Variants in PRDM13 observed in about 807,000 individuals in gnomAD.
PRDM13 encodes PR domain zinc finger protein 13.
PRDM13 carries 15 observed loss-of-function variants against 36.4 expected under a neutral mutation model. The ratio of observed to expected loss-of-function variants is 0.41; its 90% CI spans 0.28 to 0.64. PRDM13 has a LOEUF of 0.64. Among genes scored for constraint, PRDM13 ranks in the 30% least tolerant of loss-of-function variants. PRDM13 has a pLI of 0.29. For synonymous variants in PRDM13, 531 were observed against 467.7 expected (o/e 1.14, Z -1.75); for missense variants, 1,044 against 1,013.5 (o/e 1.03, Z -0.41).
intron 2 of PRDM13, 51 bp from the exon 3 acceptor site, chr6:99,609,136 G>T: frequency 6.3e-7 from 1 of 1,599,240 alleles, no homozygotes; most frequent in South Asian, 1.1e-5. Context: ...GTTGCTTTTT[G>T]ACCGATTACC....
In PRDM13 at chr6:99,613,945, C is replaced by T. The variant is rs200429669; in HGVS notation, c.1310C>T (p.Pro437Leu). 2.0e-4 allele frequency: 317 copies of T among 1,589,504 alleles called. No individual in the cohort carries two copies. The East Asian group carries it at 6.9e-3, about 35-fold the overall frequency. ...PGLPLERCAL[P>L]PLDPGGLKAY... Reference sequence around the variant, plus strand: ...TTGCCCCTCGAGCGCTGCGCGCTGCCGCCCCTCGACCCGGGCGGTCTCAAA... The same window carrying T: ...TTGCCCCTCGAGCGCTGCGCGCTGCTGCCCCTCGACCCGGGCGGTCTCAAA... Residue 437 changes from proline to leucine, a missense_variant, in exon 4 of 4, where the codon CCG (proline) becomes CTG (leucine). Physicochemically the swap from Pro to Leu is moderately conservative, Grantham distance 98 (BLOSUM62 -3). Around this residue, in one of 3 missense-constraint regions of PRDM13, gnomAD observed 921 missense variants for 865.2 expected, o/e 1.06. Transcript: ENST00000369215. This position sits in a 1 kb window ranked among gnomAD's most constrained non-coding sequence, Gnocchi z 6.1.
Position 99,613,950 on chromosome 6 carries a change from C to A in PRDM13, c.1315C>A (p.Leu439Ile). The A allele has an allele frequency of 6.3e-7, 1 of 1,591,480 alleles. No homozygotes were observed. Among genetic ancestry groups the A allele is most frequent in the Non-Finnish European group, 8.5e-7 (1 of 1,172,538 alleles). ...LPLERCALPP[L>I]DPGGLKAYPG... is the part of the protein sequence containing the mutation. ...CCTCGAGCGCTGCGCGCTGCCGCCC[C>A]TCGACCCGGGCGGTCTCAAAGCCTA... The change falls in exon 4 of 4, where the codon CTC becomes ATC. Residue 439 changes from leucine (L) to isoleucine (I), a missense_variant. Leu to Ile is a conservative substitution (Grantham distance 5). Coordinates refer to ENST00000369215, the MANE Select transcript of PRDM13 (RefSeq NM_021620.4). The surrounding 1 kb of genome is among the most constrained non-coding windows in gnomAD (Gnocchi z 6.1).
At chr6:99,609,048 G>C (rs923862058) in intron 2 of PRDM13, 139 bp from the exon 3 acceptor site, 1 of 1,385,028 alleles carries the variant, frequency 7.2e-7, no homozygotes. Context: ...AAGGATGACG[G>C]AAGTGAGGTT....
In PRDM13 at chr6:99,615,084, C is replaced by A. The variant is rs1299090894; in HGVS notation, c.*325C>A. On this transcript the variant is annotated 3_prime_UTR_variant, in exon 4 of 4. Transcript: ENST00000369215. ...CTTGGTGTTCAGAATCACATCAATG[C>A]GAACGTCACAGCGCCTTCGAGGGCG... 2 of 370,312 alleles carry A rather than the reference C, an allele frequency of 5.4e-6. No individual in the cohort carries two copies. The highest frequency in any genetic ancestry group is 9.7e-6 in the Non-Finnish European group (2 of 206,092). 22.9% of individuals were successfully genotyped at this position (370,312 alleles called of 1,614,324 possible).
chr6:99,607,460 C>T (rs577156071), intron 1 of PRDM13, among the ~76,000 whole-genome samples: 10 of 152,118 alleles, frequency 6.6e-5, no homozygotes, highest in Non-Finnish European at 1.5e-4. Flanking sequence ...TGTGTTTTCC[C>T]CTGCGCTCTC....
At position 99,613,912 on chromosome 6, in the gene PRDM13, C is replaced by T. The variant is rs1434845652; in HGVS notation, c.1277C>T (p.Ala426Val). Residue 426 changes from alanine (A) to valine (V), a missense_variant, in exon 4 of 4, where the codon GCG becomes GTG. Coordinates refer to ENST00000369215, the MANE Select transcript of PRDM13 (RefSeq NM_021620.4). This position sits in a 1 kb window ranked among gnomAD's most constrained non-coding sequence, Gnocchi z 6.1. ...GCGCGTTATGCGCAGCTGCCCCCTG[C>T]GCCGGGGTTGCCCCTCGAGCGCTGC... ...PGARYAQLPP[A>V]PGLPLERCAL... is the part of the protein sequence containing the mutation. 6.3e-7 allele frequency: 1 copy of T among 1,584,472 alleles called. No individual in the cohort carries two copies. The highest frequency in any genetic ancestry group is 8.5e-7 in the Non-Finnish European group (1 of 1,170,626).
chr6:99,612,427 G>T (rs1199387612), intron 3 of PRDM13, among the ~76,000 whole-genome samples: 1 of 152,184 alleles, frequency 6.6e-6, no homozygotes, highest in Non-Finnish European at 1.5e-5. Context: ...TCCTTCAGTT[G>T]GTCACGCTCC....
Position 99,614,870 on chromosome 6 carries a change from T to C in PRDM13, c.*111T>C. The C allele has an allele frequency of 7.2e-7, 1 of 1,396,454 alleles. No homozygotes were observed. Among genetic ancestry groups the C allele is most frequent in the Non-Finnish European group, 9.5e-7 (1 of 1,050,584 alleles). The allele number at this position is 1,396,454 out of a possible 1,614,324, so 86.5% of individuals were successfully genotyped here. A position where few individuals can be genotyped will look rare whatever the true frequency, so the allele number is the denominator to read the frequency against. On this transcript the variant is annotated 3_prime_UTR_variant, in exon 4 of 4. Coordinates refer to ENST00000369215, the MANE Select transcript of PRDM13 (RefSeq NM_021620.4). Reference sequence around the variant, plus strand: ...GAGGGACCCAATGGACAAAACCGTTTTTGTTTTTGAGAGGGCGCCAGATTT... The same window carrying C: ...GAGGGACCCAATGGACAAAACCGTTCTTGTTTTTGAGAGGGCGCCAGATTT...
In PRDM13 at chr6:99,615,553, A is replaced by G. The variant is rs1449442431; in HGVS notation, c.*794A>G. On this transcript the variant is annotated 3_prime_UTR_variant, in exon 4 of 4. Transcript: ENST00000369215. The stretch of plus-strand genomic sequence containing the variant: ...TGCAATCTTTAAGAAAAATAAAGAT[A>G]CAAACGAGAGTTTTGTTCACTTAGT... 6.6e-6 allele frequency: 1 copy of G among 152,614 alleles called. No individual in the cohort carries two copies. The highest frequency in any genetic ancestry group is 6.5e-5 in the Admixed American group (1 of 15,280). The allele number at this position is 152,614 out of a possible 1,614,324, so 9.5% of individuals were successfully genotyped here. A position where few individuals can be genotyped will look rare whatever the true frequency, so the allele number is the denominator to read the frequency against.
intron 1 of PRDM13, 139 bp downstream of exon 1, chr6:99,607,317 T>C (rs2114495290): frequency 7.9e-7 from 1 of 1,271,686 alleles, no homozygotes; most frequent in Non-Finnish European, 1.1e-6. Flanking sequence ...GGGACTCCTA[T>C]TATTCTGAGC....
chr6:99,609,634 C>G (rs757968545), intron 3 of PRDM13, among the ~76,000 whole-genome samples: 8 of 152,026 alleles, frequency 5.3e-5, no homozygotes, highest in Non-Finnish European at 1.2e-4. Flanking sequence ...ACCTGTAATC[C>G]CAGCACTTTG....
Position 99,614,972 on chromosome 6 carries a change from G to C in PRDM13, c.*213G>C. The C allele has an allele frequency of 1.5e-6, 1 of 680,102 alleles. No homozygotes were observed. The highest frequency in any genetic ancestry group is 2.4e-6 in the Non-Finnish European group (1 of 422,720). 42.1% of individuals were successfully genotyped at this position (680,102 alleles called of 1,614,324 possible). A position where few individuals can be genotyped will look rare whatever the true frequency, so the allele number is the denominator to read the frequency against. ...GAGGTGGCGTAAATCTGGCCACCTG[G>C]AGAGCTCGAGTGCCACCAGTACCTC... On this transcript the variant is annotated 3_prime_UTR_variant, in exon 4 of 4. Transcript: ENST00000369215.
At chr6:99,609,949 C>A (rs1330643717) in intron 3 of PRDM13, among the ~76,000 whole-genome samples, 2 of 152,248 alleles carry the variant, frequency 1.3e-5, no homozygotes, top group South Asian at 2.1e-4. Context: ...GTAATTACAT[C>A]ATGAGTTCCA....
In PRDM13 at chr6:99,614,099, G is replaced by C. The variant is rs761549179; in HGVS notation, c.1464G>C (p.Gly488=). ...AYYPLKLHFG[G]LLKYPESISY... ...ACCCGCTCAAATTGCACTTCGGCGG[G>C]CTGCTGAAGTATCCGGAGTCCATCT... Residue 488 remains glycine, a synonymous_variant, in exon 4 of 4, where the codon GGG becomes GGC. Transcript: ENST00000369215. 3.8e-6 allele frequency: 6 copies of C among 1,598,748 alleles called. No homozygotes were observed. The highest frequency in any genetic ancestry group is 8.5e-7 in the Non-Finnish European group (1 of 1,173,566).
In PRDM13 at chr6:99,608,889, TC is replaced by T. The variant is rs929594027; in HGVS notation, c.276+19del. Reference sequence around the variant, plus strand: ...GGAGGACAGGTACTGCGGGCTTCTCTCCACACCCCCCCACTCCCCACCGCCA... The same window carrying T: ...GGAGGACAGGTACTGCGGGCTTCTCTCACACCCCCCCACTCCCCACCGCCA... On this transcript the variant is annotated intron_variant, in intron 2 of 3. Transcript: ENST00000369215. The T allele has an allele frequency of 1.2e-6, 2 of 1,605,494 alleles. No individual in the cohort carries two copies. Among genetic ancestry groups the T allele is most frequent in the Non-Finnish European group, 1.7e-6 (2 of 1,175,688 alleles).
In PRDM13 at chr6:99,615,540, G is replaced by C. The variant is rs1482965056; in HGVS notation, c.*781G>C. Reference sequence around the variant, plus strand: ...TGGTTCCAGATTGTGCAATCTTTAAGAAAAATAAAGATACAAACGAGAGTT... The same window carrying C: ...TGGTTCCAGATTGTGCAATCTTTAACAAAAATAAAGATACAAACGAGAGTT... On this transcript the variant is annotated 3_prime_UTR_variant, in exon 4 of 4. Coordinates refer to ENST00000369215, the MANE Select transcript of PRDM13 (RefSeq NM_021620.4). 6.6e-6 allele frequency: 1 copy of C among 152,532 alleles called. No homozygotes were observed. The highest frequency in any genetic ancestry group is 1.5e-5 in the Non-Finnish European group (1 of 68,008). The allele number at this position is 152,532 out of a possible 1,614,324, so 9.4% of individuals were successfully genotyped here. A position where few individuals can be genotyped will look rare whatever the true frequency, so the allele number is the denominator to read the frequency against.
At position 99,614,253 on chromosome 6, in the gene PRDM13, C is replaced by G. The variant is rs1263050614; in HGVS notation, c.1618C>G (p.Arg540Gly). The G allele has an allele frequency of 2.5e-5, 41 of 1,608,780 alleles. No homozygotes were observed. The highest frequency in any genetic ancestry group is 3.5e-5 in the Non-Finnish European group (41 of 1,178,426). The change falls in exon 4 of 4, where the codon CGC becomes GGC. Residue 540 changes from arginine (R) to glycine (G), a missense_variant. Physicochemically the swap from Arg to Gly is moderately radical, Grantham distance 125. This residue lies in a region of PRDM13 where 921 missense variants were observed against 865.2 expected (regional missense o/e 1.06). Coordinates refer to ENST00000369215, the MANE Select transcript of PRDM13 (RefSeq NM_021620.4). Reference sequence around the variant, plus strand: ...GATGGCTGCCGGGAAGGGTCGCGGACGCCTGGACTCGGGGACGTTGCCACC... The same window carrying G: ...GATGGCTGCCGGGAAGGGTCGCGGAGGCCTGGACTCGGGGACGTTGCCACC... ...SEMAAGKGRGRLDSGTLPPAV... is the reference protein window; with the variant it reads ...SEMAAGKGRGGLDSGTLPPAV...
At chr6:99,608,158 G>A (rs978179821) in intron 1 of PRDM13, among the ~76,000 whole-genome samples, 2 of 152,182 alleles carry the variant, frequency 1.3e-5, no homozygotes, top group African/African-American at 4.8e-5. Context: ...GCGGGGTTTG[G>A]TGCCCACCGC....
rs771527285 is a variant in PRDM13 at position 99,607,106 on chromosome 6, C to T, written c.72C>T (p.Leu24=). The stretch of plus-strand genomic sequence containing the variant: ...GCTGCATCCCGGCCGGCTTGCGCCT[C>T]GGACCGGTGCCTGGTACCTTCAAGC... The part of the protein sequence containing the change: ...ADCCIPAGLR[L]GPVPGTFKLG... The change falls in exon 1 of 4, where the codon CTC becomes CTT. Residue 24 remains leucine (L), a synonymous_variant. Coordinates refer to ENST00000369215, the MANE Select transcript of PRDM13 (RefSeq NM_021620.4). 1 of 1,613,768 alleles carries T rather than the reference C, an allele frequency of 6.2e-7. No individual in the cohort carries two copies. The highest frequency in any genetic ancestry group is 8.5e-7 in the Non-Finnish European group (1 of 1,180,024).
Sources: allele counts gnomAD v4.1 joint callset (sites outside exome capture counted in the v4.1 genomes callset), GRCh38; gene constraint gnomAD v4.1.1; regional missense constraint gnomAD v4.1.1; non-coding constraint Gnocchi (gnomAD v3.1); transcripts MANE v1.5; gene names NCBI Gene and HGNC (gene_info 2026-07-23, HGNC 2026-07-21).